LCP1: variants seen among roughly 807,000 people sequenced by gnomAD.
LCP1 encodes lymphocyte cytosolic protein 1, also known as plastin-2.
In LCP1, 23 loss-of-function variants were observed where a neutral mutation model predicts 72.0. That is an observed-to-expected ratio of 0.32 (90% CI 0.23 to 0.45). The LOEUF is 0.45. Among genes scored for constraint, LCP1 ranks in the 20% least tolerant of loss-of-function variants. The pLI is 1.00. For synonymous variants in LCP1, 245 were observed against 275.4 expected (o/e 0.89, Z 1.09); for missense variants, 571 against 748.3 (o/e 0.76, Z 2.76).
chr13:46,159,215 AG>A lies in LCP1; in HGVS notation c.65-227del, dbSNP rs2045822738. 28 of 549,280 alleles carry A rather than the reference AG, an allele frequency of 5.1e-5. 2 individuals are homozygous for A. The South Asian group carries it at 7.0e-4, about 14-fold the overall frequency. 34.0% of individuals were successfully genotyped at this position (549,280 alleles called of 1,614,324 possible). On this transcript the variant is annotated intron_variant, in intron 2 of 15. Coordinates refer to ENST00000323076, the MANE Select transcript of LCP1 (RefSeq NM_002298.5). ...CAGTAAAAGAGTCATAATTTCTATA[AG>A]GTACCTCTGTTTCCACAAAGAACTC... is the stretch of plus-strand genomic sequence containing the variant.
chr13:46,166,456 A>C (rs1173802799), intron 1 of LCP1, among the ~76,000 whole-genome samples: 1 of 152,184 alleles, frequency 6.6e-6, no homozygotes, highest in African/African-American at 2.4e-5. Context: ...GACTCTTTTG[A>C]ATGTGCCCCA....
At chr13:46,148,261 G>T in intron 9 of LCP1, 91 bp downstream of exon 9, 1 of 862,258 alleles carries the variant, frequency 1.2e-6, no homozygotes, top group Non-Finnish European at 1.9e-6. Flanking sequence ...CCCAGTCATG[G>T]AACTCCAGAA....
chr13:46,176,430 G>C (rs1048355290), intron 1 of LCP1, among the ~76,000 whole-genome samples: 2 of 152,044 alleles, frequency 1.3e-5, no homozygotes, highest in Non-Finnish European at 2.9e-5. Context: ...TATTATAAAA[G>C]GTTTTTATGG....
At position 46,169,061 on chromosome 13, in the gene LCP1, A is replaced by T. The variant is rs116668359; in HGVS notation, c.-24-9375T>A. 5.3e-3 allele frequency among the ~76,000 whole-genome samples: 806 copies of T among 152,374 alleles called. 5 individuals are homozygous for T. Among genetic ancestry groups the T allele is most frequent in the African/African-American group, 0.019 (777 of 41,584 alleles). On this transcript the variant is annotated intron_variant, in intron 1 of 15. Transcript: ENST00000323076. The stretch of plus-strand genomic sequence containing the variant: ...CTGGCCACTCCCCTGTCACAGAGGC[A>T]TGAAATGACACCCAAGTTAAAGGAC...
chr13:46,157,262 A>T (rs939753120), intron 4 of LCP1, among the ~76,000 whole-genome samples: 1 of 151,796 alleles, frequency 6.6e-6, no homozygotes, highest in Non-Finnish European at 1.5e-5. Flanking sequence ...GTATACATAT[A>T]TATATACACA....
chr13:46,137,436 A>T (rs2045671698), intron 13 of LCP1, among the ~76,000 whole-genome samples: 1 of 152,074 alleles, frequency 6.6e-6, no homozygotes, highest in Admixed American at 6.5e-5. Context: ...ATTTGGTGGG[A>T]GGCTGAGGCA....
chr13:46,153,849 G>A (rs1363486451), intron 6 of LCP1, among the ~76,000 whole-genome samples: 2 of 152,118 alleles, frequency 1.3e-5, no homozygotes, highest in Non-Finnish European at 2.9e-5. Context: ...TAGATTCTAT[G>A]TTCTTATGAG....
chr13:46,157,944 C>T (rs1304727627), intron 4 of LCP1, among the ~76,000 whole-genome samples: 2 of 152,080 alleles, frequency 1.3e-5, no homozygotes, highest in Non-Finnish European at 2.9e-5. Context: ...CCAGGCTAGT[C>T]TTTAACTCCT....
rs751414649 is a variant in LCP1 at position 46,158,911 on chromosome 13, T to C, written c.143A>G (p.Tyr48Cys). ...FKAACLPLPG[Y>C]RVREITENLM... is the part of the protein sequence containing the mutation. ...GTTTTCTGTAATTTCTCGTACTCTA[T>C]ACCCAGGCAAAGGCAAGCAAGCAGC... Residue 48 changes from tyrosine to cysteine, a missense_variant, in exon 3 of 16, where the codon TAT (tyrosine) becomes TGT (cysteine). Transcript: ENST00000323076. 1.9e-6 allele frequency: 3 copies of C among 1,614,178 alleles called. No homozygotes were observed. The highest frequency in any genetic ancestry group is 2.5e-6 in the Non-Finnish European group (3 of 1,180,004).
Position 46,126,948 on chromosome 13 carries a change from A to T in LCP1, c.*643T>A, listed in dbSNP as rs1462829640. On this transcript the variant is annotated 3_prime_UTR_variant, in exon 16 of 16. Coordinates refer to ENST00000323076, the MANE Select transcript of LCP1 (RefSeq NM_002298.5). The stretch of plus-strand genomic sequence containing the variant: ...GTTTTGAGGAAAGGCTCTGATGATG[A>T]GGCTTACTTCTGCAGGCTACCAGAG... 2 of 230,858 alleles carry T rather than the reference A, an allele frequency of 8.7e-6. No individual in the cohort carries two copies. The highest frequency in any genetic ancestry group is 1.7e-5 in the Non-Finnish European group (2 of 116,634). The allele number at this position is 230,858 out of a possible 1,614,324, so 14.3% of individuals were successfully genotyped here. A position where few individuals can be genotyped will look rare whatever the true frequency, so the allele number is the denominator to read the frequency against.
chr13:46,170,477 C>T (rs2045899582), intron 1 of LCP1, among the ~76,000 whole-genome samples: 1 of 152,160 alleles, frequency 6.6e-6, no homozygotes, highest in South Asian at 2.1e-4. Flanking sequence ...CTATCCAACT[C>T]TGTAGGGCCT....
At chr13:46,162,229 A>C in intron 1 of LCP1, among the ~76,000 whole-genome samples, 1 of 140,712 alleles carries the variant, frequency 7.1e-6, no homozygotes, top group Non-Finnish European at 1.5e-5. Context: ...TTTATTCACT[A>C]AACAATGAGT....
intron 1 of LCP1, among the ~76,000 whole-genome samples, chr13:46,162,304 A>T (rs1445407507): frequency 1.3e-5 from 1 of 78,178 alleles, no homozygotes; most frequent in Non-Finnish European, 2.4e-5. Context: ...CCCTCAACCC[A>T]CGGTCTCCCT....
intron 15 of LCP1, 54 bp from the exon 16 acceptor site, chr13:46,127,777 T>C: frequency 6.2e-7 from 1 of 1,604,484 alleles, no homozygotes; most frequent in Non-Finnish European, 8.5e-7. Flanking sequence ...ACAACACGAA[T>C]GGGACCCTGG....
rs1240666622 is a variant in LCP1 at position 46,144,531 on chromosome 13, G to T, written c.1175-11C>A. The T allele has an allele frequency of 6.2e-7, 1 of 1,602,350 alleles. No individual in the cohort carries two copies. The highest frequency in any genetic ancestry group is 1.3e-5 in the African/African-American group (1 of 74,680). On this transcript the variant is annotated splice_polypyrimidine_tract_variant and intron_variant, in intron 10 of 15. Coordinates refer to ENST00000323076, the MANE Select transcript of LCP1 (RefSeq NM_002298.5). Reference sequence around the variant, plus strand: ...CTTCTCTCGTCTCACCTAGATGAATGAAGATGGGTTATCTTTTGGGACCGA... The same window carrying T: ...CTTCTCTCGTCTCACCTAGATGAATTAAGATGGGTTATCTTTTGGGACCGA...
chr13:46,145,538 G>C (rs2045724247), intron 10 of LCP1, among the ~76,000 whole-genome samples: 1 of 151,926 alleles, frequency 6.6e-6, no homozygotes, highest in South Asian at 2.1e-4. Context: ...AGGATAGGAA[G>C]ATATAGTAGG....
At chr13:46,169,958 G>A (rs1217814250) in intron 1 of LCP1, among the ~76,000 whole-genome samples, 1 of 152,202 alleles carries the variant, frequency 6.6e-6, no homozygotes, top group Non-Finnish European at 1.5e-5. Context: ...GGGAGAATCA[G>A]TGAGCCCTTC....
At chr13:46,142,555 T>A in intron 12 of LCP1, 130 bp from the exon 13 acceptor site, 1 of 965,328 alleles carries the variant, frequency 1.0e-6, no homozygotes, top group South Asian at 1.7e-5. Context: ...AAGTCTCAAC[T>A]GGTTCTGCAA....
intron 13 of LCP1, among the ~76,000 whole-genome samples, chr13:46,137,958 G>A (rs1347043912): frequency 6.6e-6 from 1 of 152,164 alleles, no homozygotes; most frequent in South Asian, 2.1e-4. Flanking sequence ...AACAAACCAG[G>A]CATTTTGTTT....
Sources: allele counts gnomAD v4.1 joint callset (sites outside exome capture counted in the v4.1 genomes callset), GRCh38; gene constraint gnomAD v4.1.1; transcripts MANE v1.5; gene names NCBI Gene and HGNC (gene_info 2026-07-23, HGNC 2026-07-21).